SLC24A2: variants seen among roughly 807,000 people sequenced by gnomAD.
SLC24A2 encodes sodium/potassium/calcium exchanger 2.
In SLC24A2, 36 loss-of-function variants were observed where a neutral mutation model predicts 62.0. The observed-to-expected ratio is 0.58, with a 90% confidence interval of 0.44 to 0.77. The LOEUF is 0.77. Ranked by LOEUF, SLC24A2 falls within the 30% of genes least tolerant of loss-of-function variation. The pLI, the probability that SLC24A2 is intolerant of heterozygous loss-of-function variation, is 0.00. For missense variants in SLC24A2, 846 were observed against 817.9 expected, an observed-to-expected ratio of 1.03 and a Z score of -0.42; for synonymous variants, 358 against 294.0, an observed-to-expected ratio of 1.22 and a Z score of -2.23.
At chr9:19,934,262 G>A in the SLC24A2 span, among the ~76,000 whole-genome samples, 1 of 152,186 alleles carries the variant, frequency 6.6e-6, no homozygotes, top group African/African-American at 2.4e-5. The surrounding 1 kb of genome is among the most constrained non-coding windows in gnomAD (Gnocchi z 4.1). Flanking sequence ...GGGTGGCCGG[G>A]CCTCAAAGCA....
the SLC24A2 span, among the ~76,000 whole-genome samples, chr9:19,881,627 T>C: frequency 2.0e-5 from 3 of 152,206 alleles, no homozygotes; most frequent in Non-Finnish European, 2.9e-5. Context: ...TTATCTCACG[T>C]TAACTTAGGG....
At chr9:19,956,444 G>A in the SLC24A2 span, among the ~76,000 whole-genome samples, 2 of 152,294 alleles carry the variant, frequency 1.3e-5, no homozygotes, top group Non-Finnish European at 2.9e-5. Flanking sequence ...CTTTTTGGTT[G>A]TGATTAGGTC....
chr9:19,818,514 A>C, the SLC24A2 span, among the ~76,000 whole-genome samples: 3 of 152,194 alleles, frequency 2.0e-5, no homozygotes, highest in Admixed American at 6.6e-5. Context: ...GTTTCTGGAT[A>C]CAAGATTAAT....
chr9:19,803,654 A>G, the SLC24A2 span, among the ~76,000 whole-genome samples: 1 of 152,222 alleles, frequency 6.6e-6, no homozygotes, highest in Non-Finnish European at 1.5e-5. Context: ...ACTTTTCATC[A>G]AATAAACATC....
chr9:20,142,911 C>T, the SLC24A2 span, among the ~76,000 whole-genome samples: 12 of 152,178 alleles, frequency 7.9e-5, no homozygotes, highest in African/African-American at 2.2e-4. Flanking sequence ...ATGTCTTATA[C>T]GACCTGAAGA....
At chr9:20,160,219 G>A in the SLC24A2 span, among the ~76,000 whole-genome samples, 1,861 of 151,420 alleles carry the variant, frequency 0.012, 37 homozygotes, top group African/African-American at 0.043. Context: ...AGTGCTAAAA[G>A]CTGCAATTGT....
At chr9:19,792,785 T>TA (rs1482111875), upstream of SLC24A2, among the ~76,000 whole-genome samples, 1 of 152,060 alleles carries the variant, frequency 6.6e-6, no homozygotes, top group Non-Finnish European at 1.5e-5. Flanking sequence ...TACTCATACT[T>TA]ACTTTGTTAA....
chr9:19,656,531 A>T (rs537878749), intron 2 of SLC24A2, among the ~76,000 whole-genome samples: 1 of 152,232 alleles, frequency 6.6e-6, no homozygotes, highest in South Asian at 2.1e-4. Flanking sequence ...CTCTCATGGA[A>T]ATCCTTCTCC....
chr9:19,793,277 C>T (rs1823342162), upstream of SLC24A2, among the ~76,000 whole-genome samples: 1 of 152,230 alleles, frequency 6.6e-6, no homozygotes, highest in Non-Finnish European at 1.5e-5. Flanking sequence ...GTCATCCTAA[C>T]TCCTAACCCC....
At chr9:20,104,413 T>A in the SLC24A2 span, among the ~76,000 whole-genome samples, 1 of 151,992 alleles carries the variant, frequency 6.6e-6, no homozygotes, top group African/African-American at 2.4e-5. Flanking sequence ...TCACCAAAGT[T>A]GAAATGAAGG....
At chr9:20,172,543 A>G in the SLC24A2 span, among the ~76,000 whole-genome samples, 2 of 152,090 alleles carry the variant, frequency 1.3e-5, no homozygotes, top group Admixed American at 6.6e-5. Flanking sequence ...CAGAAATACA[A>G]AAGATCATTC....
the SLC24A2 span, among the ~76,000 whole-genome samples, chr9:20,242,410 A>G: frequency 1.3e-5 from 2 of 152,214 alleles, no homozygotes; most frequent in Non-Finnish European, 1.5e-5. Flanking sequence ...CTTCCTATCA[A>G]TCAACTGCAA....
the SLC24A2 span, among the ~76,000 whole-genome samples, chr9:20,100,923 T>A: frequency 6.6e-6 from 1 of 152,168 alleles, no homozygotes; most frequent in South Asian, 2.1e-4. Context: ...GGTATTGTGG[T>A]CTCTCCAGAA....
At chr9:19,636,315 T>TTTTCTTTTCTTTTCTTTTCTTTTCTTTTC in intron 2 of SLC24A2, among the ~76,000 whole-genome samples, 7 of 40,304 alleles carry the variant, frequency 1.7e-4, no homozygotes, top group African/African-American at 3.5e-4. Flanking sequence ...TTTTCTTTTC[T>TTTTCTTTTCTTTTCTTTTCTTTTCTTTTC]TTTCTTTCTT....
At chr9:19,849,714 C>T in the SLC24A2 span, among the ~76,000 whole-genome samples, 2 of 152,094 alleles carry the variant, frequency 1.3e-5, no homozygotes, top group African/African-American at 4.8e-5. Context: ...GTCATGTATC[C>T]AACTAAACGT....
At chr9:19,743,795 C>T (rs868556050) in intron 2 of SLC24A2, among the ~76,000 whole-genome samples, 9 of 152,030 alleles carry the variant, frequency 5.9e-5, no homozygotes, top group Non-Finnish European at 7.4e-5. Context: ...GACATTTAGA[C>T]GCAATTCTTG....
At chr9:20,100,036 T>C in the SLC24A2 span, among the ~76,000 whole-genome samples, 1 of 152,102 alleles carries the variant, frequency 6.6e-6, no homozygotes, top group Non-Finnish European at 1.5e-5. Flanking sequence ...TTTTTCTTTT[T>C]TAGACAGGGT....
the SLC24A2 span, among the ~76,000 whole-genome samples, chr9:20,239,255 A>G: frequency 6.6e-6 from 1 of 152,232 alleles, no homozygotes; most frequent in Non-Finnish European, 1.5e-5. Flanking sequence ...ATAAATCACA[A>G]AAAAATTTTT....
At chr9:19,564,668 G>A (rs1440995807) in intron 7 of SLC24A2, among the ~76,000 whole-genome samples, 4 of 152,112 alleles carry the variant, frequency 2.6e-5, no homozygotes, top group Admixed American at 2.0e-4. Context: ...CCTAAGGACA[G>A]AAGGAAATCT....
Sources: gnomAD v4.1 joint callset for allele counts (sites outside exome capture counted in the v4.1 genomes callset) on GRCh38, gnomAD v4.1.1 for gene constraint, Gnocchi (gnomAD v3.1) non-coding constraint, MANE v1.5 for transcripts, NCBI Gene and HGNC (gene_info 2026-07-23, HGNC 2026-07-21) for gene names.